The following ZMAT4 variants were observed in gnomAD, a reference collection of about 807,000 sequenced individuals.
The protein encoded by ZMAT4 is zinc finger matrin-type protein 4.
In ZMAT4, 17 loss-of-function variants were observed where a neutral mutation model predicts 28.7. The observed-to-expected ratio is 0.59, with a 90% confidence interval of 0.41 to 0.89. The LOEUF (loss-of-function observed/expected upper bound fraction) is 0.89, where lower values mean the gene tolerates loss of function less well. Among genes scored for constraint, ZMAT4 ranks in the 40% least tolerant of loss-of-function variants. The probability of loss-of-function intolerance (pLI) is 0.00; values close to 1 mark genes in which losing one functional copy is unlikely to be tolerated. For missense variants in ZMAT4, 240 were observed against 283.8 expected (o/e 0.85, Z 1.11); for synonymous variants, 117 against 109.2 (o/e 1.07, Z -0.44).
At chr8:40,541,409 A>G (rs892954325) in intron 6 of ZMAT4, among the ~76,000 whole-genome samples, 1 of 152,206 alleles carries the variant, frequency 6.6e-6, no homozygotes, top group African/African-American at 2.4e-5. Context: ...TTCTCCCCTC[A>G]ACAAAGGGTA....
chr8:40,563,441 G>A lies in ZMAT4; in HGVS notation c.674+17724C>T, dbSNP rs188117257. 2.0e-5 allele frequency among the ~76,000 whole-genome samples: 3 copies of A among 152,256 alleles called. No individual in the cohort carries two copies. The East Asian group carries it at 5.8e-4, about 29-fold the overall frequency. On this transcript the variant is annotated intron_variant, in intron 6 of 6. Coordinates refer to ENST00000297737, the MANE Select transcript of ZMAT4 (RefSeq NM_024645.3). ...TATCTGACACTTAGCTAGACACAGA[G>A]TAAATACACAGAGCAGAACTGAATC...
At chr8:40,744,265 G>A (rs959446500) in intron 3 of ZMAT4, among the ~76,000 whole-genome samples, 4 of 152,110 alleles carry the variant, frequency 2.6e-5, no homozygotes, top group Non-Finnish European at 5.9e-5. Context: ...ATGAATCCAG[G>A]GAGTCCGTGT....
intron 5 of ZMAT4, among the ~76,000 whole-genome samples, chr8:40,604,140 AGGTAT>A (rs1805498292): frequency 6.6e-6 from 1 of 152,146 alleles, no homozygotes; most frequent in Non-Finnish European, 1.5e-5. Context: ...AGGGTTTTCT[AGGTAT>A]ACAATCCTAT....
intron 1 of ZMAT4, among the ~76,000 whole-genome samples, chr8:40,891,705 C>T (rs1255463614): frequency 1.3e-5 from 2 of 152,148 alleles, no homozygotes; most frequent in African/African-American, 4.8e-5. Context: ...CTAGTGCCTA[C>T]CTCCGTGCTG....
At chr8:40,623,720 G>A (rs6474263) in intron 5 of ZMAT4, among the ~76,000 whole-genome samples, 10,129 of 152,244 alleles carry the variant, frequency 0.067, 763 homozygotes, top group East Asian at 0.44. Context: ...CAGGGCATGA[G>A]AGACAAAGTT....
intron 2 of ZMAT4, among the ~76,000 whole-genome samples, chr8:40,820,837 GTA>G (rs796970289): frequency 2.9e-3 from 76 of 26,572 alleles, no homozygotes; most frequent in African/African-American, 0.011. Context: ...GTTTATGTGT[GTA>G]TGTGTGTATG....
At chr8:40,559,883 T>C (rs1036950356) in intron 6 of ZMAT4, among the ~76,000 whole-genome samples, 2 of 152,086 alleles carry the variant, frequency 1.3e-5, no homozygotes, top group Non-Finnish European at 2.9e-5. Context: ...AGTATGTTAA[T>C]AGAAAAAAAT....
intron 1 of ZMAT4, among the ~76,000 whole-genome samples, chr8:40,845,758 T>C (rs571290249): frequency 7.8e-6 from 1 of 128,584 alleles, no homozygotes; most frequent in East Asian, 2.2e-4. Context: ...ACCTCACTAG[T>C]TCAATACACT....
chr8:40,558,979 G>A (rs1320865520), intron 6 of ZMAT4, among the ~76,000 whole-genome samples: 1 of 152,122 alleles, frequency 6.6e-6, no homozygotes, highest in East Asian at 1.9e-4. Flanking sequence ...GCCAGAAAAG[G>A]GTTAAGCCTC....
intron 1 of ZMAT4, among the ~76,000 whole-genome samples, chr8:40,891,967 C>G (rs779258207): frequency 6.6e-6 from 1 of 152,224 alleles, no homozygotes; most frequent in Non-Finnish European, 1.5e-5. Context: ...AAACCCTCCA[C>G]AGCTGGTCAC....
At chr8:40,736,546 C>T (rs574524840) in intron 3 of ZMAT4, among the ~76,000 whole-genome samples, 1 of 152,292 alleles carries the variant, frequency 6.6e-6, no homozygotes, top group South Asian at 2.1e-4. Flanking sequence ...GAAGAGGCAT[C>T]ATGGCTGCCC....
At chr8:40,728,905 T>A (rs998383703) in intron 3 of ZMAT4, among the ~76,000 whole-genome samples, 1 of 152,296 alleles carries the variant, frequency 6.6e-6, no homozygotes, top group African/African-American at 2.4e-5. Context: ...ACTAGTTTTG[T>A]CTATTACTGG....
chr8:40,875,206 T>A (rs1332728523), intron 1 of ZMAT4, among the ~76,000 whole-genome samples: 1 of 152,192 alleles, frequency 6.6e-6, no homozygotes, highest in South Asian at 2.1e-4. Flanking sequence ...CAAACATAAT[T>A]GACCCCTTGA....
intron 1 of ZMAT4, among the ~76,000 whole-genome samples, chr8:40,894,512 C>A (rs569400732): frequency 4.6e-5 from 7 of 151,882 alleles, no homozygotes; most frequent in Admixed American, 4.6e-4. Context: ...GGAAGGGGCA[C>A]GAGCATGGGA....
At chr8:40,622,239 G>C (rs1208707328) in intron 5 of ZMAT4, among the ~76,000 whole-genome samples, 1 of 152,086 alleles carries the variant, frequency 6.6e-6, no homozygotes, top group Non-Finnish European at 1.5e-5. Context: ...CAGATATTTG[G>C]GGTTTATACT....
At chr8:40,833,476 G>A (rs1197262700) in intron 1 of ZMAT4, among the ~76,000 whole-genome samples, 1 of 148,124 alleles carries the variant, frequency 6.8e-6, no homozygotes, top group African/African-American at 2.5e-5. Flanking sequence ...GCTGAGGCAG[G>A]AGAATCACTT....
intron 1 of ZMAT4, among the ~76,000 whole-genome samples, chr8:40,854,464 C>T (rs1352578581): frequency 2.0e-5 from 3 of 152,160 alleles, no homozygotes; most frequent in African/African-American, 7.2e-5. Flanking sequence ...ATAAGAGAAC[C>T]TCAGTGATGA....
intron 3 of ZMAT4, among the ~76,000 whole-genome samples, chr8:40,729,168 C>T (rs1371931362): frequency 1.3e-5 from 2 of 152,306 alleles, no homozygotes; most frequent in Middle Eastern, 6.8e-3. Context: ...GAACTAGTAT[C>T]ATGACCCATC....
chr8:40,751,439 A>G (rs1297974532), intron 3 of ZMAT4, among the ~76,000 whole-genome samples: 1 of 151,668 alleles, frequency 6.6e-6, no homozygotes, highest in Admixed American at 6.6e-5. Context: ...ATAAGAACTC[A>G]CTCACTCTCA....
Sources: gnomAD v4.1 joint callset for allele counts (sites outside exome capture counted in the v4.1 genomes callset) on GRCh38, gnomAD v4.1.1 for gene constraint, MANE v1.5 for transcripts, NCBI Gene and HGNC (gene_info 2026-07-23, HGNC 2026-07-21) for gene names.